Variants in GATB observed in about 807,000 individuals in gnomAD.
The protein encoded by GATB is glutamyl-tRNA(Gln) amidotransferase subunit B, mitochondrial.
GATB carries 39 observed loss-of-function variants against 62.3 expected under a neutral mutation model. The ratio of observed to expected loss-of-function variants is 0.63; its 90% CI spans 0.48 to 0.82. The LOEUF (loss-of-function observed/expected upper bound fraction) is 0.82. Among genes scored for constraint, GATB ranks in the 40% least tolerant of loss-of-function variants. GATB has a pLI of 0.00. For missense variants in GATB, 670 were observed against 684.0 expected (o/e 0.98, Z 0.23); for synonymous variants, 276 against 258.9 (o/e 1.07, Z -0.63).
chr4:151,671,310 G>A lies in GATB; in HGVS notation c.1546-8C>T. The A allele has an allele frequency of 6.4e-7, 1 of 1,558,750 alleles. No individual in the cohort carries two copies. Among genetic ancestry groups the A allele is most frequent in the East Asian group, 2.3e-5 (1 of 43,714 alleles). ...GTTCTTCACATCCATTACCTAGAAG[G>A]ACAGAAATTACTTACTTAAGAGGAG... On this transcript the variant is annotated splice_polypyrimidine_tract_variant and splice_region_variant and intron_variant, in intron 12 of 12. Transcript: ENST00000263985.
chr4:151,726,752 A>G (rs928706400), intron 2 of GATB, among the ~76,000 whole-genome samples: 2 of 152,148 alleles, frequency 1.3e-5, no homozygotes, highest in African/African-American at 4.8e-5. Flanking sequence ...GGTGGTCAGG[A>G]GCAAGGGGAG....
chr4:151,704,275 C>G (rs1447217294), intron 7 of GATB, among the ~76,000 whole-genome samples: 1 of 152,166 alleles, frequency 6.6e-6, no homozygotes, highest in Non-Finnish European at 1.5e-5. Flanking sequence ...TGTTCCGCCT[C>G]TAGCTTCAGC....
At chr4:151,699,804 G>A (rs1738562867) in intron 9 of GATB, among the ~76,000 whole-genome samples, 1 of 151,882 alleles carries the variant, frequency 6.6e-6, no homozygotes, top group Non-Finnish European at 1.5e-5. Flanking sequence ...ACAAATTAAT[G>A]TTATATATAG....
At chr4:151,680,750 G>A (rs751014) in intron 10 of GATB, among the ~76,000 whole-genome samples, 90,830 of 152,120 alleles carry the variant, frequency 0.6, 29,665 homozygotes, top group African/African-American at 0.88. Flanking sequence ...GGATATTTTT[G>A]GATTTTGGAA....
chr4:151,695,461 G>GA (rs1005288495), intron 9 of GATB, among the ~76,000 whole-genome samples: 1 of 152,136 alleles, frequency 6.6e-6, no homozygotes, highest in Non-Finnish European at 1.5e-5. Flanking sequence ...GAGAGACATG[G>GA]AAAAGCTGAA....
chr4:151,671,775 T>C (rs1737870246), intron 12 of GATB, among the ~76,000 whole-genome samples: 1 of 152,148 alleles, frequency 6.6e-6, no homozygotes, highest in South Asian at 2.1e-4. Context: ...ATCTACACAC[T>C]GGCCGAGTCT....
intron 8 of GATB, 72 bp from the exon 9 acceptor site, chr4:151,701,590 T>G (rs1738607958): frequency 2.8e-6 from 3 of 1,082,970 alleles, no homozygotes; most frequent in Non-Finnish European, 3.7e-6. Flanking sequence ...CCTCCCCCAG[T>G]AATATGAATG....
At chr4:151,722,041 C>T (rs956117603) in intron 2 of GATB, 17 of 606,896 alleles carry the variant, frequency 2.8e-5, no homozygotes, top group Middle Eastern at 2.6e-4. Flanking sequence ...AGTCATCACA[C>T]GTTACAGATG....
intron 9 of GATB, 95 bp from the exon 10 acceptor site, chr4:151,688,858 C>A (rs1450499490): frequency 1.6e-6 from 2 of 1,239,026 alleles, no homozygotes; most frequent in Non-Finnish European, 2.2e-6. Flanking sequence ...CCTCTGCCTC[C>A]TCTGAGACAG....
chr4:151,760,943 G>A lies in GATB; in HGVS notation c.40C>T (p.Arg14Cys), dbSNP rs373690847. Reference sequence around the variant, plus strand: ...CCGTCAACCCGGGCGAAAGCCCAACGTCTTCCACGGCAGCCCCAGCGCAGC... The same window carrying A: ...CCGTCAACCCGGGCGAAAGCCCAACATCTTCCACGGCAGCCCCAGCGCAGC... ...PMLRWGCRGR[R>C]WAFARVDGGS... Residue 14 changes from arginine (R) to cysteine (C), a missense_variant, in exon 1 of 13, where the codon CGT (arginine) becomes TGT (cysteine). Physicochemically the swap from Arg to Cys is radical, Grantham distance 180. Transcript: ENST00000263985. 117 of 1,613,416 alleles carry A rather than the reference G, an allele frequency of 7.3e-5. No individual in the cohort carries two copies. The highest frequency in any genetic ancestry group is 9.1e-5 in the Non-Finnish European group (107 of 1,179,882).
At chr4:151,725,038 C>T (rs773458007) in intron 2 of GATB, among the ~76,000 whole-genome samples, 1 of 152,174 alleles carries the variant, frequency 6.6e-6, no homozygotes, top group African/African-American at 2.4e-5. Context: ...AGAGCTGAAA[C>T]GTCAAAGAGG....
At chr4:151,702,755 A>G (rs1199303532) in intron 8 of GATB, among the ~76,000 whole-genome samples, 1 of 152,244 alleles carries the variant, frequency 6.6e-6, no homozygotes, top group African/African-American at 2.4e-5. Context: ...GTTCTCGTCC[A>G]GCACTAATGG....
intron 9 of GATB, among the ~76,000 whole-genome samples, 191 bp from the exon 10 acceptor site, chr4:151,688,954 G>A (rs1738309266): frequency 6.6e-6 from 1 of 152,084 alleles, no homozygotes; most frequent in Admixed American, 6.5e-5. Flanking sequence ...TACTGTCACT[G>A]TGCATTTACA....
intron 10 of GATB, 112 bp from the exon 11 acceptor site, chr4:151,680,003 C>G: frequency 1.2e-6 from 1 of 846,572 alleles, no homozygotes; most frequent in Non-Finnish European, 2.0e-6. Flanking sequence ...ATCGGACCCA[C>G]GCCTAGGGAT....
At chr4:151,738,377 T>C (rs1445463491) in intron 2 of GATB, among the ~76,000 whole-genome samples, 1 of 152,212 alleles carries the variant, frequency 6.6e-6, no homozygotes, top group African/African-American at 2.4e-5. Context: ...TCACGAGATC[T>C]GATGGTTTTA....
intron 9 of GATB, among the ~76,000 whole-genome samples, chr4:151,697,460 C>T (rs1738491562): frequency 6.6e-6 from 1 of 151,836 alleles, no homozygotes; most frequent in South Asian, 2.1e-4. Flanking sequence ...ATAACAGACA[C>T]TGAAGACTTG....
At chr4:151,718,368 C>A (rs1166666450) in intron 3 of GATB, among the ~76,000 whole-genome samples, 1 of 152,042 alleles carries the variant, frequency 6.6e-6, no homozygotes, top group African/African-American at 2.4e-5. Flanking sequence ...TGAGTATGTC[C>A]CATGAAACTC....
At chr4:151,688,927 A>G (rs1292190079) in intron 9 of GATB, among the ~76,000 whole-genome samples, 164 bp from the exon 10 acceptor site, 1 of 152,204 alleles carries the variant, frequency 6.6e-6, no homozygotes, top group African/African-American at 2.4e-5. Context: ...ACTTTCAGCT[A>G]ATGACAACTA....
intron 2 of GATB, among the ~76,000 whole-genome samples, chr4:151,726,858 C>G (rs1313787063): frequency 6.6e-6 from 1 of 152,172 alleles, no homozygotes; most frequent in South Asian, 2.1e-4. Flanking sequence ...GCTCAGGAGG[C>G]CACGGTCACC....
Sources: allele counts gnomAD v4.1 joint callset (sites outside exome capture counted in the v4.1 genomes callset), GRCh38; gene constraint gnomAD v4.1.1; transcripts MANE v1.5; gene names NCBI Gene and HGNC (gene_info 2026-07-23, HGNC 2026-07-21).